NKAIN3: variants seen among roughly 807,000 people sequenced by gnomAD.
NKAIN3 encodes the protein sodium/potassium-transporting ATPase subunit beta-1-interacting protein 3.
NKAIN3 carries 25 observed loss-of-function variants against 30.2 expected under a neutral mutation model. The observed-to-expected ratio is 0.83, with a 90% CI of 0.60 to 1.16. The LOEUF (loss-of-function observed/expected upper bound fraction) is 1.16. Ranked by LOEUF, NKAIN3 falls within the 50% of genes most tolerant of loss-of-function variation. The probability of loss-of-function intolerance (pLI) is 0.00; values close to 1 mark genes in which losing one functional copy is unlikely to be tolerated. For missense variants in NKAIN3, 225 were observed against 254.1 expected (o/e 0.89, Z 0.78); for synonymous variants, 91 against 89.6 (o/e 1.02, Z -0.09).
At chr8:62,447,142 C>T (rs1469283070) in intron 1 of NKAIN3, among the ~76,000 whole-genome samples, 2 of 151,984 alleles carry the variant, frequency 1.3e-5, no homozygotes, top group Non-Finnish European at 2.9e-5. Context: ...AATAATATGA[C>T]TAATATTTAC....
intron 4 of NKAIN3, among the ~76,000 whole-genome samples, chr8:62,915,284 A>G (rs902409477): frequency 6.6e-6 from 1 of 152,202 alleles, no homozygotes; most frequent in African/African-American, 2.4e-5. Flanking sequence ...TTGATTGATA[A>G]TCATGTGACC....
At chr8:62,773,134 C>A (rs762100239) in intron 4 of NKAIN3, among the ~76,000 whole-genome samples, 2 of 152,108 alleles carry the variant, frequency 1.3e-5, no homozygotes, top group Non-Finnish European at 2.9e-5. Context: ...TTTGCCCAGT[C>A]TAATGTCTTG....
intron 4 of NKAIN3, among the ~76,000 whole-genome samples, chr8:62,886,909 A>G (rs894574087): frequency 6.8e-6 from 1 of 146,252 alleles, no homozygotes; most frequent in Admixed American, 7.2e-5. Flanking sequence ...GAGTGAGAAC[A>G]TGCAGTGTTT....
intron 3 of NKAIN3, among the ~76,000 whole-genome samples, chr8:62,677,241 GC>G (rs2130405500): frequency 6.6e-6 from 1 of 152,246 alleles, no homozygotes; most frequent in South Asian, 2.1e-4. Context: ...TATCAGGTTG[GC>G]AAAAACAACA....
chr8:62,970,236 T>G lies in NKAIN3; in HGVS notation c.*4829T>G, dbSNP rs1331122309. Among the ~76,000 whole-genome samples the G allele has an allele frequency of 2.6e-5, 4 of 151,968 alleles. No homozygotes were observed. Among genetic ancestry groups the G allele is most frequent in the African/African-American group, 9.7e-5 (4 of 41,392 alleles). On this transcript the variant is annotated 3_prime_UTR_variant, in exon 7 of 7. Coordinates refer to ENST00000623646, the MANE Select transcript of NKAIN3 (RefSeq NM_001304533.3). ...GCCTGTCTCTAAAAAGAGAGAGAGA[T>G]AAGTAGATATGTTTTAATTATTAGA...
At chr8:62,946,928 C>G (rs773700080) in intron 5 of NKAIN3, among the ~76,000 whole-genome samples, 1 of 152,142 alleles carries the variant, frequency 6.6e-6, no homozygotes, top group East Asian at 1.9e-4. Flanking sequence ...CAAAACAAAA[C>G]GCCTACGTTC....
At chr8:62,918,863 A>G (rs1208342426) in intron 5 of NKAIN3, among the ~76,000 whole-genome samples, 2 of 152,162 alleles carry the variant, frequency 1.3e-5, no homozygotes, top group African/African-American at 4.8e-5. Flanking sequence ...TTGGTGGCAG[A>G]ATTTTGAAGT....
rs576719217 is a variant in NKAIN3, at chr8:62,977,640, C to T, written c.*12233C>T. 7.2e-4 allele frequency among the ~76,000 whole-genome samples: 109 copies of T among 152,116 alleles called. 2 individuals carry two copies. Among genetic ancestry groups the T allele is most frequent in the African/African-American group, 2.4e-3 (100 of 41,530 alleles). ...CTTTTATCAAGGTTCTTAGCTTCCT[C>T]GTATTGGGTTACTATATGTTCCATT... On this transcript the variant is annotated 3_prime_UTR_variant, in exon 7 of 7. Coordinates refer to ENST00000623646, the MANE Select transcript of NKAIN3 (RefSeq NM_001304533.3).
Position 62,303,983 on chromosome 8 carries a change from G to T in NKAIN3, c.54+54856G>T, listed in dbSNP as rs186281291. Among the ~76,000 whole-genome samples, 103 of 150,688 alleles carry T rather than the reference G, an allele frequency of 6.8e-4. 2 individuals are homozygous for T. The highest frequency in any genetic ancestry group is 2.8e-3 in the Admixed American group (42 of 15,200). ...ATTAGTACTGTCTTTTAAAGAAGTTGCCAGGAGCAGGGAAGTAGGAAAATG... is the reference window on the plus strand; with the variant it reads ...ATTAGTACTGTCTTTTAAAGAAGTTTCCAGGAGCAGGGAAGTAGGAAAATG... On this transcript the variant is annotated intron_variant, in intron 1 of 6. Coordinates refer to ENST00000623646, the MANE Select transcript of NKAIN3 (RefSeq NM_001304533.3).
intron 3 of NKAIN3, among the ~76,000 whole-genome samples, chr8:62,716,767 A>C (rs1239767471): frequency 6.6e-6 from 1 of 151,908 alleles, no homozygotes; most frequent in African/African-American, 2.4e-5. Context: ...AACAAAACAA[A>C]ACTTAGAGAA....
intron 3 of NKAIN3, among the ~76,000 whole-genome samples, chr8:62,624,230 T>C (rs1811719183): frequency 6.6e-6 from 1 of 152,076 alleles, no homozygotes; most frequent in African/African-American, 2.4e-5. Flanking sequence ...GACCTGTGTC[T>C]TGTGCCAACC....
intron 4 of NKAIN3, among the ~76,000 whole-genome samples, chr8:62,880,634 C>T (rs891365641): frequency 3.9e-5 from 6 of 152,178 alleles, no homozygotes; most frequent in African/African-American, 7.2e-5. Flanking sequence ...TTACTTACAG[C>T]TTTGTGCACA....
intron 1 of NKAIN3, among the ~76,000 whole-genome samples, chr8:62,382,854 G>T (rs1817319348): frequency 6.6e-6 from 1 of 152,096 alleles, no homozygotes; most frequent in South Asian, 2.1e-4. Context: ...CAGTTTCCTT[G>T]ATTGGCTCTG....
intron 1 of NKAIN3, among the ~76,000 whole-genome samples, chr8:62,257,420 A>G (rs1019376763): frequency 7.2e-5 from 11 of 152,042 alleles, no homozygotes; most frequent in Admixed American, 3.9e-4. Flanking sequence ...ATTTGTTTTT[A>G]ATTCTTTAGG....
At chr8:62,464,839 G>T (rs958983972) in intron 1 of NKAIN3, among the ~76,000 whole-genome samples, 2 of 152,102 alleles carry the variant, frequency 1.3e-5, no homozygotes, top group African/African-American at 4.8e-5. Flanking sequence ...TTGTAAGAAA[G>T]ATATACCTGT....
At chr8:62,764,453 AAAGGTAATATACAAAT>A (rs906402301) in intron 4 of NKAIN3, among the ~76,000 whole-genome samples, 4 of 148,720 alleles carry the variant, frequency 2.7e-5, no homozygotes, top group African/African-American at 9.8e-5. Context: ...ACATAGAATA[AAAGGTAATATACAAAT>A]AAGTATTTTT....
intron 1 of NKAIN3, among the ~76,000 whole-genome samples, chr8:62,386,742 C>CT (rs371092881): frequency 1.3e-3 from 194 of 152,234 alleles, no homozygotes; most frequent in African/African-American, 4.6e-3. Context: ...GAAGACCAGA[C>CT]TTTGAGCACC....
intron 4 of NKAIN3, among the ~76,000 whole-genome samples, chr8:62,797,464 T>G (rs2130685393): frequency 6.6e-6 from 1 of 152,292 alleles, no homozygotes; most frequent in South Asian, 2.1e-4. Flanking sequence ...CTTTTTATAC[T>G]TGAGATGAAC....
intron 1 of NKAIN3, among the ~76,000 whole-genome samples, chr8:62,394,860 G>T (rs951538878): frequency 7.4e-5 from 11 of 149,322 alleles, no homozygotes; most frequent in Non-Finnish European, 1.5e-4. Context: ...CTTCTCAGAC[G>T]GTGGGGCGGC....
Sources: allele counts gnomAD v4.1 joint callset (sites outside exome capture counted in the v4.1 genomes callset), GRCh38; gene constraint gnomAD v4.1.1; transcripts MANE v1.5; gene names NCBI Gene and HGNC (gene_info 2026-07-23, HGNC 2026-07-21).